DLG2: variants seen among roughly 807,000 people sequenced by gnomAD.
The protein encoded by DLG2 is disks large homolog 2.
Under a neutral mutation model 132.5 loss-of-function variants are expected in DLG2, and 45 were observed. The ratio of observed to expected loss-of-function variants is 0.34; its 90% CI spans 0.27 to 0.44. The LOEUF (loss-of-function observed/expected upper bound fraction) is 0.44, where lower values mean the gene tolerates loss of function less well. Among genes scored for constraint, DLG2 ranks in the 20% least tolerant of loss-of-function variants. The pLI is 1.00. For missense variants in DLG2, 1,045 were observed against 1,196.9 expected (o/e 0.87, Z 1.87); for synonymous variants, 424 against 419.6 (o/e 1.01, Z -0.13).
At chr11:84,565,794 A>T (rs1031584702) in intron 6 of DLG2, among the ~76,000 whole-genome samples, 3 of 152,030 alleles carry the variant, frequency 2.0e-5, no homozygotes, top group Non-Finnish European at 4.4e-5. Context: ...AAGCCTATTA[A>T]ATCCTTGAAG....
At chr11:83,734,042 C>A (rs2091478739) in intron 18 of DLG2, among the ~76,000 whole-genome samples, 1 of 148,680 alleles carries the variant, frequency 6.7e-6, no homozygotes, top group South Asian at 2.1e-4. Context: ...TAAGTTATTT[C>A]ACTTAACACA....
intron 6 of DLG2, among the ~76,000 whole-genome samples, chr11:84,692,863 T>C (rs1336624118): frequency 2.0e-5 from 3 of 151,778 alleles, no homozygotes; most frequent in African/African-American, 7.3e-5. Context: ...ACTTATCATT[T>C]GCCAGGTACT....
At chr11:84,539,708 T>A (rs976840352) in intron 6 of DLG2, among the ~76,000 whole-genome samples, 1 of 152,166 alleles carries the variant, frequency 6.6e-6, no homozygotes, top group East Asian at 1.9e-4. Flanking sequence ...GGAAGGTACG[T>A]TAAAGTTCAT....
chr11:85,143,899 T>C (rs1170936608), intron 5 of DLG2, among the ~76,000 whole-genome samples: 3 of 151,922 alleles, frequency 2.0e-5, no homozygotes, highest in African/African-American at 7.2e-5. Context: ...ATGTGCATTC[T>C]GCAGCTTTTG....
At chr11:83,706,111 G>A (rs931532355) in intron 18 of DLG2, among the ~76,000 whole-genome samples, 16 of 151,892 alleles carry the variant, frequency 1.1e-4, no homozygotes, top group Non-Finnish European at 2.1e-4. Flanking sequence ...CCAGCTACTC[G>A]GGAGGTTGAG....
chr11:84,952,361 CA>C (rs777797589), intron 6 of DLG2, among the ~76,000 whole-genome samples: 1 of 151,958 alleles, frequency 6.6e-6, no homozygotes, highest in East Asian at 1.9e-4. Context: ...ACTAAAAATA[CA>C]AAAAATTAGC....
intron 3 of DLG2, among the ~76,000 whole-genome samples, chr11:85,394,270 A>G (rs566875675): frequency 2.6e-4 from 39 of 152,210 alleles, no homozygotes; most frequent in Non-Finnish European, 4.9e-4. Flanking sequence ...GTGTAAATCA[A>G]CACATCATGT....
chr11:85,495,833 T>A (rs911603993), intron 3 of DLG2, among the ~76,000 whole-genome samples: 4 of 152,196 alleles, frequency 2.6e-5, no homozygotes, highest in African/African-American at 9.6e-5. Flanking sequence ...TGCACACTTA[T>A]GTTTATTGTG....
chr11:83,813,733 G>A (rs893536460), intron 17 of DLG2, among the ~76,000 whole-genome samples: 1 of 152,064 alleles, frequency 6.6e-6, no homozygotes, highest in Non-Finnish European at 1.5e-5. Flanking sequence ...CTTCATTTCT[G>A]CAGAATGGTC....
At chr11:83,566,711 TGG>T (rs2096714351) in intron 19 of DLG2, among the ~76,000 whole-genome samples, 1 of 105,514 alleles carries the variant, frequency 9.5e-6, no homozygotes, top group South Asian at 3.0e-4. Flanking sequence ...GCAGAGGGCA[TGG>T]TGTGTGTGTG....
intron 15 of DLG2, among the ~76,000 whole-genome samples, chr11:83,906,507 T>A (rs1405920974): frequency 6.6e-6 from 1 of 152,090 alleles, no homozygotes; most frequent in East Asian, 1.9e-4. Context: ...CATTCATCCA[T>A]CTATTCCAAA....
At chr11:83,709,808 C>A (rs1379369449) in intron 18 of DLG2, among the ~76,000 whole-genome samples, 2 of 152,162 alleles carry the variant, frequency 1.3e-5, no homozygotes, top group African/African-American at 2.4e-5. Flanking sequence ...ACTTGACCTT[C>A]CTGGTTACTT....
intron 21 of DLG2, among the ~76,000 whole-genome samples, chr11:83,501,415 G>A (rs2094448320): frequency 6.6e-6 from 1 of 152,060 alleles, no homozygotes; most frequent in African/African-American, 2.4e-5. Context: ...ATCCAGTGAA[G>A]CCCACCAATG....
chr11:84,088,965 T>C (rs2097042530), intron 10 of DLG2, among the ~76,000 whole-genome samples: 1 of 152,198 alleles, frequency 6.6e-6, no homozygotes, highest in Admixed American at 6.5e-5. Context: ...TTGGAAGCAC[T>C]AGAAGTCTCT....
At chr11:85,069,211 C>T (rs545613605) in intron 6 of DLG2, among the ~76,000 whole-genome samples, 268 of 152,096 alleles carry the variant, frequency 1.8e-3, no homozygotes, top group Non-Finnish European at 3.1e-3. Flanking sequence ...AGAAGAAAAC[C>T]TAGGCAATAC....
At chr11:83,800,007 G>C (rs1371409621) in intron 17 of DLG2, among the ~76,000 whole-genome samples, 1 of 152,182 alleles carries the variant, frequency 6.6e-6, no homozygotes, top group Admixed American at 6.5e-5. Flanking sequence ...AAAGCATTTA[G>C]AACAGTGCCT....
intron 6 of DLG2, among the ~76,000 whole-genome samples, chr11:84,942,774 T>C (rs916480513): frequency 1.3e-5 from 2 of 152,168 alleles, no homozygotes; most frequent in African/African-American, 4.8e-5. Flanking sequence ...TGATTTTTCC[T>C]TTATTTTCTG....
chr11:84,660,336 G>C (rs1435726540), intron 6 of DLG2, among the ~76,000 whole-genome samples: 2 of 152,066 alleles, frequency 1.3e-5, no homozygotes, highest in Non-Finnish European at 2.9e-5. Context: ...TAACTCCCAG[G>C]ATCCTGGATT....
intron 3 of DLG2, among the ~76,000 whole-genome samples, chr11:85,356,505 A>T (rs913170838): frequency 5.9e-5 from 9 of 152,192 alleles, no homozygotes; most frequent in Non-Finnish European, 1.3e-4. Context: ...AATTTTGATA[A>T]GTCTGGTATA....
Sources: allele counts gnomAD v4.1 joint callset (sites outside exome capture counted in the v4.1 genomes callset), GRCh38; gene constraint gnomAD v4.1.1; transcripts MANE v1.5; gene names NCBI Gene and HGNC (gene_info 2026-07-23, HGNC 2026-07-21).